MAST4: variants seen among roughly 807,000 people sequenced by gnomAD.
MAST4 encodes microtubule-associated serine/threonine-protein kinase 4.
Under a neutral mutation model 162.7 loss-of-function variants are expected in MAST4, and 89 were observed. That is an observed-to-expected ratio of 0.55 (90% CI 0.46 to 0.65). The LOEUF is 0.65. MAST4 is among the 30% of genes least tolerant of loss of function. MAST4 has a pLI of 0.00. For synonymous variants in MAST4, 1,479 were observed against 1,361.1 expected, an observed-to-expected ratio of 1.09 and a Z score of -1.91; for missense variants, 3,153 against 3,374.0, an observed-to-expected ratio of 0.93 and a Z score of 1.62.
chr5:66,686,643 T>C (rs1305924071), intron 1 of MAST4, among the ~76,000 whole-genome samples: 1 of 152,192 alleles, frequency 6.6e-6, no homozygotes, highest in African/African-American at 2.4e-5. Context: ...TTGGATTGCT[T>C]CCTCATTAGC....
chr5:66,873,410 G>A (rs376638069), intron 3 of MAST4, among the ~76,000 whole-genome samples: 7 of 152,150 alleles, frequency 4.6e-5, no homozygotes, highest in African/African-American at 7.2e-5. Context: ...AACCTGAGTC[G>A]TAGTGAAGAA....
chr5:67,085,044 G>A (rs565957508), intron 5 of MAST4, among the ~76,000 whole-genome samples: 1 of 152,110 alleles, frequency 6.6e-6, no homozygotes, highest in Non-Finnish European at 1.5e-5. Flanking sequence ...ATTATTTTAT[G>A]TGGAGCTTCC....
At chr5:67,045,511 A>C (rs548294435) in intron 4 of MAST4, among the ~76,000 whole-genome samples, 2 of 152,234 alleles carry the variant, frequency 1.3e-5, no homozygotes, top group African/African-American at 2.4e-5. Context: ...ACACAGTGTA[A>C]CATTTCAGTC....
chr5:66,622,249 G>A (rs1358150814), intron 1 of MAST4, among the ~76,000 whole-genome samples: 1 of 152,112 alleles, frequency 6.6e-6, no homozygotes, highest in African/African-American at 2.4e-5. Flanking sequence ...GAGAGAAGGG[G>A]AAACAGCAAG....
intron 4 of MAST4, among the ~76,000 whole-genome samples, chr5:66,974,781 A>G (rs1476676947): frequency 6.6e-6 from 1 of 152,208 alleles, no homozygotes; most frequent in East Asian, 1.9e-4. Context: ...TTCTGTACAT[A>G]ATACCTTGAA....
intron 1 of MAST4, chr5:66,738,216 G>C (rs966383401): frequency 6.6e-6 from 1 of 152,274 alleles, no homozygotes; most frequent in South Asian, 2.1e-4. Context: ...GGCTGACAGA[G>C]CAGCCCCCAT....
chr5:66,945,863 A>G (rs1743964132), intron 4 of MAST4, among the ~76,000 whole-genome samples: 1 of 152,162 alleles, frequency 6.6e-6, no homozygotes, highest in Non-Finnish European at 1.5e-5. Context: ...GTTATGTGCT[A>G]AACTATTTAA....
intron 2 of MAST4, among the ~76,000 whole-genome samples, chr5:66,764,946 ACT>A (rs1247022789): frequency 6.6e-6 from 1 of 151,852 alleles, no homozygotes; most frequent in Non-Finnish European, 1.5e-5. Flanking sequence ...ATTCCTGCAG[ACT>A]CTATTCATGG....
At chr5:66,603,424 A>G in intron 1 of MAST4, among the ~76,000 whole-genome samples, 1 of 152,214 alleles carries the variant, frequency 6.6e-6, no homozygotes, top group East Asian at 1.9e-4. Flanking sequence ...TCCTGGGGCT[A>G]GTGACATGAC....
intron 5 of MAST4, among the ~76,000 whole-genome samples, chr5:67,089,602 G>A (rs116017144): frequency 1.7e-4 from 26 of 152,300 alleles, no homozygotes; most frequent in African/African-American, 6.0e-4. Flanking sequence ...TGAGAAATAG[G>A]TCCAAACTGC....
rs373837654 is a variant in MAST4, at chr5:67,133,535, G to C, written c.2115G>C (p.Gly705=). 2.3e-5 allele frequency: 37 copies of C among 1,613,086 alleles called. No individual in the cohort carries two copies. Among genetic ancestry groups the C allele is most frequent in the Non-Finnish European group, 3.1e-5 (37 of 1,179,310 alleles). Residue 705 remains glycine (G), a synonymous_variant, in exon 17 of 29, where the codon GGG becomes GGC. Transcript: ENST00000403625. The part of the protein sequence containing the change: ...KPDNLLVTSM[G]HIKLTDFGLS... ...ATAGCTTGTTGGTTACCTCCATGGGGCACATAAAGCTGACAGATTTTGGAT... is the reference window on the plus strand; with the variant it reads ...ATAGCTTGTTGGTTACCTCCATGGGCCACATAAAGCTGACAGATTTTGGAT...
chr5:67,074,772 TATTAC>T (rs1232047652), intron 5 of MAST4, among the ~76,000 whole-genome samples: 1 of 152,218 alleles, frequency 6.6e-6, no homozygotes, highest in East Asian at 1.9e-4. Flanking sequence ...GACACTACAA[TATTAC>T]ATTAGGATTA....
At chr5:66,688,509 G>T (rs1201618180) in intron 1 of MAST4, among the ~76,000 whole-genome samples, 2 of 152,110 alleles carry the variant, frequency 1.3e-5, no homozygotes, top group Non-Finnish European at 2.9e-5. Context: ...TGAACTAGAG[G>T]GGGTGACTGG....
chr5:66,774,917 G>A (rs1225942191), intron 2 of MAST4, among the ~76,000 whole-genome samples: 1 of 151,976 alleles, frequency 6.6e-6, no homozygotes, highest in East Asian at 1.9e-4. Context: ...CAGACATATA[G>A]TCTCATAGGT....
At chr5:66,906,519 C>T (rs934456516) in intron 4 of MAST4, among the ~76,000 whole-genome samples, 1 of 152,142 alleles carries the variant, frequency 6.6e-6, no homozygotes, top group Non-Finnish European at 1.5e-5. Context: ...TCCCCTCTGA[C>T]CGCAAAGGGG....
intron 3 of MAST4, among the ~76,000 whole-genome samples, chr5:66,840,041 T>G (rs1488685021): frequency 6.6e-6 from 1 of 152,166 alleles, no homozygotes; most frequent in Non-Finnish European, 1.5e-5. Context: ...TCACTTTTTT[T>G]TTGAGCTTTG....
intron 3 of MAST4, among the ~76,000 whole-genome samples, chr5:66,885,536 G>A (rs796502016): frequency 1.2e-4 from 18 of 152,314 alleles, no homozygotes; most frequent in African/African-American, 4.3e-4. Flanking sequence ...TTTAGCATGT[G>A]GGTGGATAAA....
chr5:67,136,918 CTTAAT>C (rs1203153939), intron 19 of MAST4, among the ~76,000 whole-genome samples: 1 of 152,160 alleles, frequency 6.6e-6, no homozygotes, highest in Non-Finnish European at 1.5e-5. Context: ...AGAAATTATG[CTTAAT>C]TTGTTTCAAT....
At chr5:66,858,168 T>G (rs769467753) in intron 3 of MAST4, among the ~76,000 whole-genome samples, 7 of 152,062 alleles carry the variant, frequency 4.6e-5, no homozygotes, top group Non-Finnish European at 1.0e-4. Flanking sequence ...TATTTTGTAC[T>G]CTTAGTAGAG....
Sources: gnomAD v4.1 joint callset for allele counts (sites outside exome capture counted in the v4.1 genomes callset) on GRCh38, gnomAD v4.1.1 for gene constraint, MANE v1.5 for transcripts, NCBI Gene and HGNC (gene_info 2026-07-23, HGNC 2026-07-21) for gene names.